ADARB2: variants seen among roughly 807,000 people sequenced by gnomAD.
ADARB2 encodes the protein inactive double-stranded RNA-specific editase B2.
In ADARB2, 25 loss-of-function variants were observed where a neutral mutation model predicts 62.2. That is an observed-to-expected ratio of 0.40 (90% CI 0.29 to 0.56). The LOEUF is 0.56. Among genes scored for constraint, ADARB2 ranks in the 20% least tolerant of loss-of-function variants. The pLI is 0.43. For synonymous variants in ADARB2, 572 were observed against 500.8 expected, an observed-to-expected ratio of 1.14 and a Z score of -1.90; for missense variants, 1,071 against 1,077.4, an observed-to-expected ratio of 0.99 and a Z score of 0.08.
intron 1 of ADARB2, among the ~76,000 whole-genome samples, chr10:1,575,512 C>T (rs1252963329): frequency 6.6e-6 from 1 of 152,062 alleles, no homozygotes; most frequent in African/African-American, 2.4e-5. Flanking sequence ...GCACTCAGCA[C>T]CAGCACTGCC....
intron 3 of ADARB2, among the ~76,000 whole-genome samples, chr10:1,340,084 CGTGCCCCACA>C (rs1564262025): frequency 6.0e-4 from 91 of 151,862 alleles, no homozygotes; most frequent in African/African-American, 1.9e-3. Context: ...CAGAGAACCA[CGTGCCCCACA>C]GCGGCAATAA....
chr10:1,281,609 G>C (rs1831371930), intron 3 of ADARB2, among the ~76,000 whole-genome samples: 1 of 152,224 alleles, frequency 6.6e-6, no homozygotes, highest in Non-Finnish European at 1.5e-5. Flanking sequence ...CAGGGCTCAG[G>C]AGCAGCACCG....
At chr10:1,572,883 C>G (rs899363835) in intron 1 of ADARB2, among the ~76,000 whole-genome samples, 5 of 152,194 alleles carry the variant, frequency 3.3e-5, no homozygotes, top group Non-Finnish European at 5.9e-5. Context: ...CCACGTACAG[C>G]GTTTCCCTGC....
At chr10:1,343,418 C>T (rs1832050099) in intron 3 of ADARB2, among the ~76,000 whole-genome samples, 1 of 152,178 alleles carries the variant, frequency 6.6e-6, no homozygotes, top group African/African-American at 2.4e-5. Context: ...TGGGAATGAG[C>T]TAGTGGGAAT....
intron 1 of ADARB2, among the ~76,000 whole-genome samples, chr10:1,546,511 G>A (rs1466488269): frequency 6.6e-6 from 1 of 152,214 alleles, no homozygotes; most frequent in Non-Finnish European, 1.5e-5. Context: ...TGGGGACACA[G>A]CCTGGGGACA....
intron 1 of ADARB2, among the ~76,000 whole-genome samples, chr10:1,682,180 A>G (rs142320182): frequency 3.6e-3 from 544 of 152,354 alleles, no homozygotes; most frequent in African/African-American, 0.01. Context: ...TGAGAGCTCC[A>G]CAAAGATGGA....
chr10:1,705,865 T>C (rs956265052), intron 1 of ADARB2, among the ~76,000 whole-genome samples: 5 of 152,178 alleles, frequency 3.3e-5, no homozygotes, highest in African/African-American at 1.2e-4. Flanking sequence ...TTTGCTTTGA[T>C]TGATTTTTTT....
At chr10:1,587,640 C>T (rs1833197773) in intron 1 of ADARB2, among the ~76,000 whole-genome samples, 1 of 152,082 alleles carries the variant, frequency 6.6e-6, no homozygotes, top group African/African-American at 2.4e-5. Flanking sequence ...TCTTGTGCCT[C>T]AGCTGAACAA....
intron 1 of ADARB2, among the ~76,000 whole-genome samples, chr10:1,545,530 T>C (rs1832505593): frequency 6.6e-6 from 1 of 152,206 alleles, no homozygotes; most frequent in African/African-American, 2.4e-5. Flanking sequence ...CTGCGAATTT[T>C]GTCTCTTCCC....
chr10:1,363,097 C>T lies in ADARB2; in HGVS notation c.1008G>A (p.Leu336=). 6.6e-7 allele frequency: 1 copy of T among 1,517,334 alleles called. No homozygotes were observed. Among genetic ancestry groups the T allele is most frequent in the Admixed American group, 2.0e-5 (1 of 48,822 alleles). The allele number at this position is 1,517,334 out of a possible 1,614,324, so 94.0% of individuals were successfully genotyped here. A position where few individuals can be genotyped will look rare whatever the true frequency, so the allele number is the denominator to read the frequency against. ...GCATCTGGATGTCGAACAGCTCCTGCAGTGCGGCCTGCGCGGCCTGACCCC... is the reference window on the plus strand; with the variant it reads ...GCATCTGGATGTCGAACAGCTCCTGTAGTGCGGCCTGCGCGGCCTGACCCC... ...LARGQAAQAA[L]QELFDIQMPG... is the part of the protein sequence containing the mutation. The change falls in exon 3 of 10, where the codon CTG becomes CTA. Residue 336 remains leucine, a synonymous_variant. Coordinates refer to ENST00000381312, the MANE Select transcript of ADARB2 (RefSeq NM_018702.4).
intron 1 of ADARB2, among the ~76,000 whole-genome samples, chr10:1,401,334 G>A (rs1168036608): frequency 1.3e-5 from 2 of 152,244 alleles, no homozygotes; most frequent in Non-Finnish European, 2.9e-5. Flanking sequence ...GCGGGGACCA[G>A]GGTTTTGGAA....
chr10:1,556,666 G>C (rs764263041), intron 1 of ADARB2: 2 of 534,132 alleles, frequency 3.7e-6, no homozygotes, highest in Non-Finnish European at 7.7e-6. Context: ...CAAGTACCCC[G>C]GCTGCAACCA....
chr10:1,581,844 G>A (rs1324839562), intron 1 of ADARB2, among the ~76,000 whole-genome samples: 4 of 151,572 alleles, frequency 2.6e-5, no homozygotes, highest in East Asian at 1.9e-4. Context: ...GTGTGTGTGT[G>A]TGTGTGTGTG....
intron 1 of ADARB2, among the ~76,000 whole-genome samples, chr10:1,628,344 C>T (rs998707852): frequency 3.9e-5 from 6 of 152,220 alleles, no homozygotes; most frequent in East Asian, 1.9e-4. Flanking sequence ...GCGTTACGAT[C>T]GGCATTCACT....
At chr10:1,696,867 G>A (rs1309717202) in intron 1 of ADARB2, among the ~76,000 whole-genome samples, 1 of 152,192 alleles carries the variant, frequency 6.6e-6, no homozygotes, top group Non-Finnish European at 1.5e-5. Context: ...TCTAGAGCAA[G>A]TTTGTCCAAC....
At chr10:1,594,673 G>T (rs907377566) in intron 1 of ADARB2, among the ~76,000 whole-genome samples, 2 of 152,152 alleles carry the variant, frequency 1.3e-5, no homozygotes, top group Non-Finnish European at 2.9e-5. Flanking sequence ...TAAGCAAGGG[G>T]CTCCTTTTCA....
intron 1 of ADARB2, among the ~76,000 whole-genome samples, chr10:1,478,800 A>G (rs148581982): frequency 0.013 from 1,886 of 145,764 alleles, 43 homozygotes; most frequent in African/African-American, 0.045. Flanking sequence ...ACGGGAGAGC[A>G]CCAAAATAAG....
chr10:1,241,747 C>G (rs1681366911), intron 5 of ADARB2, among the ~76,000 whole-genome samples: 1 of 152,210 alleles, frequency 6.6e-6, no homozygotes. Flanking sequence ...CAGCGCGTCT[C>G]CAAGCCACCC....
At chr10:1,476,757 G>T (rs1017146198) in intron 1 of ADARB2, among the ~76,000 whole-genome samples, 6 of 152,200 alleles carry the variant, frequency 3.9e-5, no homozygotes, top group African/African-American at 1.4e-4. Flanking sequence ...ATCCAGGGAG[G>T]CAGAGGCGTC....
Sources: gnomAD v4.1 joint callset for allele counts (sites outside exome capture counted in the v4.1 genomes callset) on GRCh38, gnomAD v4.1.1 for gene constraint, MANE v1.5 for transcripts, NCBI Gene and HGNC (gene_info 2026-07-23, HGNC 2026-07-21) for gene names.